Variants in DSCAML1 observed in about 807,000 individuals in gnomAD.
DSCAML1 encodes cell adhesion molecule DSCAML1.
A neutral mutation model predicts 200.5 loss-of-function variants in DSCAML1; 38 were observed. That is an observed-to-expected ratio of 0.19 (90% CI 0.15 to 0.25). DSCAML1 has a LOEUF of 0.25. Among genes scored for constraint, DSCAML1 ranks in the 10% least tolerant of loss-of-function variants. The pLI is 1.00. For synonymous variants in DSCAML1, 1,215 were observed against 1,165.0 expected (o/e 1.04, Z -0.87); for missense variants, 2,223 against 2,858.8 (o/e 0.78, Z 5.07).
intron 3 of DSCAML1, among the ~76,000 whole-genome samples, chr11:117,539,864 A>G (rs2050236280): frequency 6.6e-6 from 1 of 152,232 alleles, no homozygotes; most frequent in African/African-American, 2.4e-5. Context: ...AAAAAGGTGG[A>G]AGAAACCAAA....
At chr11:117,764,833 C>T (rs1320482871) in intron 3 of DSCAML1, among the ~76,000 whole-genome samples, 1 of 152,180 alleles carries the variant, frequency 6.6e-6, no homozygotes, top group African/African-American at 2.4e-5. Flanking sequence ...AGAGGGACCC[C>T]AGCCACACGC....
At chr11:117,470,876 A>G (rs1210945770) in intron 15 of DSCAML1, among the ~76,000 whole-genome samples, 1 of 152,130 alleles carries the variant, frequency 6.6e-6, no homozygotes, top group Non-Finnish European at 1.5e-5. Context: ...AACAAGCAAG[A>G]CACGGAAGAA....
At chr11:117,744,323 G>A (rs556243437) in intron 3 of DSCAML1, among the ~76,000 whole-genome samples, 1 of 152,324 alleles carries the variant, frequency 6.6e-6, no homozygotes, top group East Asian at 1.9e-4. Flanking sequence ...ACTCCCTAAA[G>A]CGGGGCCTCT....
chr11:117,738,062 C>A (rs978216136), intron 3 of DSCAML1, among the ~76,000 whole-genome samples: 1 of 152,118 alleles, frequency 6.6e-6, no homozygotes, highest in Non-Finnish European at 1.5e-5. Flanking sequence ...ATGATGACTG[C>A]CTGAAACAGG....
chr11:117,806,620 A>T (rs1389650581), intron 1 of DSCAML1, among the ~76,000 whole-genome samples: 2 of 152,236 alleles, frequency 1.3e-5, no homozygotes, highest in Non-Finnish European at 2.9e-5. Context: ...TGGTATGATT[A>T]TTATCATCCC....
chr11:117,471,870 G>C lies in DSCAML1; in HGVS notation c.2952C>G (p.Ala984=). Residue 984 remains alanine (A), a splice_region_variant and synonymous_variant, in exon 15 of 33, where the codon GCC becomes GCG. Coordinates refer to ENST00000651296, the MANE Select transcript of DSCAML1 (RefSeq NM_020693.4). ...GGGCAGGCTGGGTGAGGTGCTCACC[G>C]GCCTCCTCAGTGCTGATGGTGAGCT... ...SKELTISTEE[A]APDGPPMDVT... The C allele has an allele frequency of 6.5e-7, 1 of 1,539,588 alleles. No individual in the cohort carries two copies. Among genetic ancestry groups the C allele is most frequent in the Non-Finnish European group, 8.8e-7 (1 of 1,140,332 alleles).
intron 15 of DSCAML1, among the ~76,000 whole-genome samples, chr11:117,470,310 T>G (rs2048658647): frequency 6.6e-6 from 1 of 152,066 alleles, no homozygotes; most frequent in Non-Finnish European, 1.5e-5. Context: ...GCGCGGTGGC[T>G]CACACCTGTA....
chr11:117,668,520 G>A (rs984355765), intron 3 of DSCAML1: 3 of 152,212 alleles, frequency 2.0e-5, no homozygotes, highest in Non-Finnish European at 4.4e-5. Flanking sequence ...ATAGCCCAGC[G>A]GGTACCTGGG....
intron 3 of DSCAML1, among the ~76,000 whole-genome samples, chr11:117,701,557 C>A (rs1373837634): frequency 6.6e-6 from 1 of 152,186 alleles, no homozygotes; most frequent in African/African-American, 2.4e-5. Flanking sequence ...TGGCTGCCGG[C>A]TGGGGAAGAG....
chr11:117,778,611 G>T (rs539941761), intron 2 of DSCAML1, among the ~76,000 whole-genome samples: 1 of 152,266 alleles, frequency 6.6e-6, no homozygotes, highest in Non-Finnish European at 1.5e-5. Flanking sequence ...GCACCTCTGC[G>T]ATTAACTGGC....
At chr11:117,678,791 G>A (rs1341772262) in intron 3 of DSCAML1, among the ~76,000 whole-genome samples, 1 of 152,270 alleles carries the variant, frequency 6.6e-6, no homozygotes, top group Non-Finnish European at 1.5e-5. Context: ...TGAGGACAAA[G>A]AGGAGCAGGG....
intron 3 of DSCAML1, among the ~76,000 whole-genome samples, chr11:117,599,856 G>A (rs1048962288): frequency 3.9e-5 from 6 of 152,174 alleles, no homozygotes; most frequent in South Asian, 2.1e-4. Context: ...TTTAGCATCC[G>A]GGACTCATCT....
At chr11:117,494,283 C>T (rs2049249986) in intron 11 of DSCAML1, among the ~76,000 whole-genome samples, 1 of 152,162 alleles carries the variant, frequency 6.6e-6, no homozygotes, top group Non-Finnish European at 1.5e-5. Flanking sequence ...TGCAAGGACT[C>T]CACTCTGCTG....
intron 3 of DSCAML1, among the ~76,000 whole-genome samples, chr11:117,544,630 C>T (rs2050336822): frequency 6.6e-6 from 1 of 152,174 alleles, no homozygotes; most frequent in African/African-American, 2.4e-5. Context: ...CATCCTTCTT[C>T]CTCTCCTTTC....
chr11:117,759,588 C>T (rs559863301), intron 3 of DSCAML1, among the ~76,000 whole-genome samples: 5 of 152,014 alleles, frequency 3.3e-5, no homozygotes, highest in Non-Finnish European at 7.4e-5. Flanking sequence ...TCCATGAGGG[C>T]GATCATCCGG....
At chr11:117,501,578 G>T (rs2049396030) in intron 11 of DSCAML1, among the ~76,000 whole-genome samples, 1 of 152,148 alleles carries the variant, frequency 6.6e-6, no homozygotes, top group Non-Finnish European at 1.5e-5. Context: ...GATGGCTGGG[G>T]CAGGTCACTG....
intron 1 of DSCAML1, among the ~76,000 whole-genome samples, chr11:117,809,728 T>C (rs371143012): frequency 3.3e-5 from 5 of 152,192 alleles, no homozygotes; most frequent in African/African-American, 1.2e-4. Flanking sequence ...GGAGGCTGAA[T>C]CGCCGCGCAG....
chr11:117,441,510 G>A lies in DSCAML1; in HGVS notation c.3863-1574C>T, dbSNP rs1333582638. Reference sequence around the variant, plus strand: ...GTGGTGGCGGAGGACTGGGTCAGCAGCATCACAGAAGGTGCGGGGCCACAG... The same window carrying A: ...GTGGTGGCGGAGGACTGGGTCAGCAACATCACAGAAGGTGCGGGGCCACAG... On this transcript the variant is annotated intron_variant, in intron 21 of 32. Transcript: ENST00000651296. 2.0e-5 allele frequency among the ~76,000 whole-genome samples: 3 copies of A among 146,546 alleles called. No homozygotes were observed. The East Asian group carries it at 7.0e-4, about 34-fold the overall frequency.
In DSCAML1 at chr11:117,711,782, C is replaced by T. The variant is rs192886963; in HGVS notation, c.511+65009G>A. 3.9e-5 allele frequency among the ~76,000 whole-genome samples: 6 copies of T among 152,310 alleles called. No individual in the cohort carries two copies. In the East Asian group the frequency reaches 1.2e-3, roughly 29 times the overall value. ...TGAAGCCACTTCTCCTTACAACTGG[C>T]CTATCATCAGCTAGGATTAAGATTC... On this transcript the variant is annotated intron_variant, in intron 3 of 32. Transcript: ENST00000651296.
Sources: gnomAD v4.1 joint callset for allele counts (sites outside exome capture counted in the v4.1 genomes callset) on GRCh38, gnomAD v4.1.1 for gene constraint, MANE v1.5 for transcripts, NCBI Gene and HGNC (gene_info 2026-07-23, HGNC 2026-07-21) for gene names.